ANKRD44: variants seen among roughly 807,000 people sequenced by gnomAD.
The protein encoded by ANKRD44 is ankyrin repeat domain 44.
ANKRD44 carries 35 observed loss-of-function variants against 116.0 expected under a neutral mutation model. The ratio of observed to expected loss-of-function variants is 0.30; its 90% CI spans 0.23 to 0.40. ANKRD44 has a LOEUF of 0.40. Ranked by LOEUF, ANKRD44 falls within the 10% of genes least tolerant of loss-of-function variation. The pLI is 1.00. For synonymous variants in ANKRD44, 435 were observed against 461.8 expected, an observed-to-expected ratio of 0.94 and a Z score of 0.74; for missense variants, 1,014 against 1,242.6, an observed-to-expected ratio of 0.82 and a Z score of 2.77.
intron 1 of ANKRD44, among the ~76,000 whole-genome samples, chr2:197,291,772 C>G (rs2083575571): frequency 6.6e-6 from 1 of 152,116 alleles, no homozygotes; most frequent in Non-Finnish European, 1.5e-5. Flanking sequence ...TTGCTGCACC[C>G]ATTAACTCGT....
chr2:197,151,057 T>C (rs1011867150), intron 2 of ANKRD44, among the ~76,000 whole-genome samples: 1 of 151,676 alleles, frequency 6.6e-6, no homozygotes, highest in Admixed American at 6.6e-5. Context: ...TGAATTCACA[T>C]TGCCTGTATA....
At chr2:197,085,815 C>T (rs2077908122) in intron 13 of ANKRD44, among the ~76,000 whole-genome samples, 1 of 152,166 alleles carries the variant, frequency 6.6e-6, no homozygotes. Context: ...AACTTGCTTT[C>T]ACTTTACTCT....
rs373886453 is a variant in ANKRD44, at chr2:197,261,476, A to AT, written c.27+49101dup. 8.0e-4 allele frequency among the ~76,000 whole-genome samples: 121 copies of AT among 151,960 alleles called. 1 individual carries two copies. The highest frequency in any genetic ancestry group is 2.7e-3 in the African/African-American group (112 of 41,444). On this transcript the variant is annotated intron_variant, in intron 1 of 27. Coordinates refer to ENST00000282272, the MANE Select transcript of ANKRD44 (RefSeq NM_001195144.2). ...ACCAGTACCATGCTGTAACCAAACA[A>AT]TTTTTAAAGGGAAGTTCATCAAATG...
At chr2:197,064,652 C>A (rs1490635027) in intron 16 of ANKRD44, among the ~76,000 whole-genome samples, 1 of 152,114 alleles carries the variant, frequency 6.6e-6, no homozygotes, top group South Asian at 2.1e-4. Context: ...GGGTTGCAAT[C>A]CTAGTCTTGG....
chr2:197,006,781 T>C (rs1335767804), intron 20 of ANKRD44, among the ~76,000 whole-genome samples: 1 of 152,168 alleles, frequency 6.6e-6, no homozygotes, highest in Non-Finnish European at 1.5e-5. Flanking sequence ...GATTTCTGCT[T>C]GTGTTTACTT....
Position 197,198,790 on chromosome 2 carries a change from C to G in ANKRD44, c.28-11684G>C, listed in dbSNP as rs1240831540. The G allele has an allele frequency of 2.2e-5, 3 of 134,866 alleles. No individual in the cohort carries two copies. The East Asian group carries it at 5.8e-4, about 26-fold the overall frequency. The allele number at this position is 134,866 out of a possible 1,614,324, so 8.4% of individuals were successfully genotyped here. ...CCTGGGCGACAGCAAGACTCCATCTCGAAAAATAAAAAATAAAATAAAATA... is the reference window on the plus strand; with the variant it reads ...CCTGGGCGACAGCAAGACTCCATCTGGAAAAATAAAAAATAAAATAAAATA... On this transcript the variant is annotated intron_variant, in intron 1 of 27. Transcript: ENST00000282272.
At position 196,986,724 on chromosome 2, in the gene ANKRD44, A is replaced by G. The variant is rs2075841288; in HGVS notation, c.*2867T>C. 1.0e-6 allele frequency: 1 copy of G among 978,078 alleles called. No homozygotes were observed. The highest frequency in any genetic ancestry group is 1.8e-5 in the African/African-American group (1 of 57,112). The allele number at this position is 978,078 out of a possible 1,614,324, so 60.6% of individuals were successfully genotyped here. A position where few individuals can be genotyped will look rare whatever the true frequency, so the allele number is the denominator to read the frequency against. ...AACCATCTGAATGCATTTCCATAGT[A>G]TATTACAGTTAAGTACTTCATTACG... On this transcript the variant is annotated 3_prime_UTR_variant, in exon 28 of 28. Coordinates refer to ENST00000282272, the MANE Select transcript of ANKRD44 (RefSeq NM_001195144.2).
At chr2:197,251,224 G>A (rs1207992281) in intron 1 of ANKRD44, among the ~76,000 whole-genome samples, 1 of 152,030 alleles carries the variant, frequency 6.6e-6, no homozygotes, top group Non-Finnish European at 1.5e-5. Flanking sequence ...CTGTCTTTCT[G>A]AATATGTTTC....
At chr2:197,030,727 T>TA (rs2076689249) in intron 16 of ANKRD44, among the ~76,000 whole-genome samples, 1 of 103,972 alleles carries the variant, frequency 9.6e-6, no homozygotes, top group East Asian at 2.1e-4. Flanking sequence ...AAAATAAAAC[T>TA]TTTTTTTTTT....
At chr2:197,165,707 A>G (rs917728144) in intron 2 of ANKRD44, among the ~76,000 whole-genome samples, 8 of 152,202 alleles carry the variant, frequency 5.3e-5, no homozygotes, top group African/African-American at 1.7e-4. Flanking sequence ...CTGATGAGAT[A>G]TGATGCTGGC....
chr2:197,280,137 AGT>A (rs2083221128), intron 1 of ANKRD44, among the ~76,000 whole-genome samples: 1 of 152,156 alleles, frequency 6.6e-6, no homozygotes, highest in Admixed American at 6.5e-5. Flanking sequence ...TACACCTAAG[AGT>A]GTTTAACAGA....
At chr2:197,102,939 T>G (rs527877137) in intron 9 of ANKRD44, among the ~76,000 whole-genome samples, 47 of 152,144 alleles carry the variant, frequency 3.1e-4, no homozygotes, top group Middle Eastern at 3.4e-3. Flanking sequence ...TCAAAAAAAT[T>G]TGGGGGGTGG....
intron 21 of ANKRD44, among the ~76,000 whole-genome samples, chr2:196,970,995 G>A (rs899597950): frequency 1.8e-4 from 28 of 152,118 alleles, no homozygotes; most frequent in African/African-American, 4.8e-4. Context: ...AAGCCACCAC[G>A]ACTGGCCAAT....
intron 1 of ANKRD44, among the ~76,000 whole-genome samples, chr2:197,237,138 G>C (rs993525688): frequency 6.6e-6 from 1 of 152,048 alleles, no homozygotes; most frequent in Admixed American, 6.6e-5. Context: ...TATAATAGCC[G>C]ACTGTATTAT....
intron 1 of ANKRD44, among the ~76,000 whole-genome samples, chr2:197,190,391 A>G (rs896262490): frequency 4.6e-5 from 7 of 152,226 alleles, no homozygotes; most frequent in African/African-American, 1.7e-4. Flanking sequence ...TGGGATTTCA[A>G]ACTAGAACTT....
chr2:197,117,096 T>C (rs539223100), intron 8 of ANKRD44, among the ~76,000 whole-genome samples: 2 of 152,304 alleles, frequency 1.3e-5, no homozygotes, highest in South Asian at 4.1e-4. Flanking sequence ...AGAGCTTGTT[T>C]ATGATTATAT....
chr2:197,254,413 A>T (rs2082393984), intron 1 of ANKRD44, among the ~76,000 whole-genome samples: 1 of 152,070 alleles, frequency 6.6e-6, no homozygotes, highest in Non-Finnish European at 1.5e-5. Flanking sequence ...AAAAACTTCC[A>T]ACTCCAGCCT....
At chr2:197,071,031 T>A (rs1040690140) in intron 16 of ANKRD44, among the ~76,000 whole-genome samples, 1 of 152,202 alleles carries the variant, frequency 6.6e-6, no homozygotes, top group Non-Finnish European at 1.5e-5. Context: ...TAATATTCCT[T>A]TATCCTTTTA....
rs556880470 is a variant in ANKRD44, at chr2:197,191,003, T to C, written c.28-3897A>G. Among the ~76,000 whole-genome samples, 6 of 152,188 alleles carry C rather than the reference T, an allele frequency of 3.9e-5. No homozygotes were observed. In the South Asian group the frequency reaches 1.2e-3, roughly 32 times the overall value. ...CAAAATTGAGAAAAACAAATAGTGG[T>C]AGGAAAAAAGGAGATTCAGATACCA... On this transcript the variant is annotated intron_variant, in intron 1 of 27. Transcript: ENST00000282272.
Sources: gnomAD v4.1 joint callset for allele counts (sites outside exome capture counted in the v4.1 genomes callset) on GRCh38, gnomAD v4.1.1 for gene constraint, MANE v1.5 for transcripts, NCBI Gene and HGNC (gene_info 2026-07-23, HGNC 2026-07-21) for gene names.